The following TTC9 variants were observed in gnomAD, a reference collection of about 807,000 sequenced individuals.
TTC9 encodes the protein tetratricopeptide repeat protein 9A.
Under a neutral mutation model 22.9 loss-of-function variants are expected in TTC9, and 13 were observed. The observed-to-expected ratio is 0.57, with a 90% CI of 0.37 to 0.90. TTC9 has a LOEUF of 0.90. TTC9 is among the 40% of genes least tolerant of loss of function. The pLI, the probability that TTC9 is intolerant of heterozygous loss-of-function variation, is 0.01. For synonymous variants in TTC9, 148 were observed against 133.2 expected (o/e 1.11, Z -0.77); for missense variants, 280 against 291.8 (o/e 0.96, Z 0.29).
At chr14:70,664,008 T>C (rs989762858) in intron 1 of TTC9, among the ~76,000 whole-genome samples, 1 of 152,176 alleles carries the variant, frequency 6.6e-6, no homozygotes, top group African/African-American at 2.4e-5. Flanking sequence ...GGAACTCAGT[T>C]TCATCATCTA....
intron 1 of TTC9, among the ~76,000 whole-genome samples, chr14:70,645,916 C>A (rs903238693): frequency 6.6e-6 from 1 of 152,222 alleles, no homozygotes; most frequent in Non-Finnish European, 1.5e-5. Flanking sequence ...GGCATCGCTG[C>A]TCCAAACAAG....
intron 1 of TTC9, among the ~76,000 whole-genome samples, chr14:70,653,309 G>C (rs1886012401): frequency 6.6e-6 from 1 of 152,236 alleles, no homozygotes. Context: ...CGGGAAGCAA[G>C]TGAGCAAAAA....
rs992893233 is a variant in TTC9, at chr14:70,642,553, C to T, written c.406+18C>T. The T allele has an allele frequency of 3.2e-5, 49 of 1,527,528 alleles. No individual in the cohort carries two copies. The East Asian group carries it at 9.1e-4, about 28-fold the overall frequency. 94.6% of individuals were successfully genotyped at this position (1,527,528 alleles called of 1,614,324 possible). ...CCTGGCAGGTGAGCCGCGCCGCGCC[C>T]CCCGCGCCGCGGTCCCCGTTCTTCG... On this transcript the variant is annotated intron_variant, in intron 1 of 2. Coordinates refer to ENST00000256367, the MANE Select transcript of TTC9 (RefSeq NM_015351.2).
At position 70,642,393 on chromosome 14, in the gene TTC9, G is replaced by T; in HGVS notation, c.264G>T (p.Lys88Asn). The part of the protein sequence containing the change: ...GKYHRALLEL[K>N]GLLPPPGERE... ...ACCACCGGGCGTTGCTGGAGCTGAA[G>T]GGGCTGCTGCCGCCCCCCGGGGAAC... Residue 88 changes from lysine to asparagine, a missense_variant, in exon 1 of 3, where the codon AAG (lysine) becomes AAT (asparagine). By Grantham distance (94) the Lys-to-Asn change is moderately conservative (BLOSUM62 0). Coordinates refer to ENST00000256367, the MANE Select transcript of TTC9 (RefSeq NM_015351.2). The T allele has an allele frequency of 6.2e-7, 1 of 1,603,524 alleles. No homozygotes were observed.
intron 1 of TTC9, among the ~76,000 whole-genome samples, chr14:70,655,710 T>A (rs1460288714): frequency 6.6e-6 from 1 of 152,224 alleles, no homozygotes; most frequent in Non-Finnish European, 1.5e-5. Context: ...CTCGACTTCC[T>A]GTTGCTGCTA....
At chr14:70,661,846 G>A (rs1329018802) in intron 1 of TTC9, among the ~76,000 whole-genome samples, 1 of 152,132 alleles carries the variant, frequency 6.6e-6, no homozygotes, top group Admixed American at 6.5e-5. Context: ...CACCCTAACC[G>A]CCTAAGGCTG....
intron 1 of TTC9, among the ~76,000 whole-genome samples, chr14:70,664,590 G>T (rs1022560809): frequency 6.6e-6 from 1 of 152,174 alleles, no homozygotes; most frequent in African/African-American, 2.4e-5. Context: ...GCTAGGCATG[G>T]TGGCGGGCAT....
At chr14:70,650,176 C>T (rs2139640945) in intron 1 of TTC9, among the ~76,000 whole-genome samples, 1 of 152,280 alleles carries the variant, frequency 6.6e-6, no homozygotes, top group Non-Finnish European at 1.5e-5. Flanking sequence ...CGGTGCAGCA[C>T]TTTTGGAGTC....
chr14:70,657,186 A>C (rs1244921363), intron 1 of TTC9, among the ~76,000 whole-genome samples: 1 of 152,258 alleles, frequency 6.6e-6, no homozygotes, highest in Admixed American at 6.5e-5. Context: ...AAAAGAATAT[A>C]AACTCCTTGA....
chr14:70,642,167 A>T lies in TTC9; in HGVS notation c.38A>T (p.Asn13Ile). 2 of 1,192,600 alleles carry T rather than the reference A, an allele frequency of 1.7e-6. No homozygotes were observed. Among genetic ancestry groups the T allele is most frequent in the Middle Eastern group, 6.9e-4 (2 of 2,892 alleles). 73.9% of individuals were successfully genotyped at this position (1,192,600 alleles called of 1,614,324 possible). A position where few individuals can be genotyped will look rare whatever the true frequency, so the allele number is the denominator to read the frequency against. Residue 13 changes from asparagine (N) to isoleucine (I), a missense_variant, in exon 1 of 3, where the codon AAC becomes ATC. Asn to Ile is a moderately radical substitution (Grantham distance 149). Transcript: ENST00000256367. Reference protein sequence around the residue: ...RKGSAAGAKGNPSPPAAGEGQ... With the variant: ...RKGSAAGAKGIPSPPAAGEGQ... ...GGCTCGGCGGCCGGGGCCAAGGGGA[A>T]CCCGAGCCCGCCCGCGGCCGGAGAG...
chr14:70,658,952 C>T (rs1886103869), intron 1 of TTC9, among the ~76,000 whole-genome samples: 1 of 152,128 alleles, frequency 6.6e-6, no homozygotes, highest in African/African-American at 2.4e-5. Context: ...TAAAAAGCGC[C>T]TTCCAAAGGA....
intron 1 of TTC9, among the ~76,000 whole-genome samples, chr14:70,659,132 GCACACACACACA>G (rs71105721): frequency 2.1e-5 from 3 of 144,224 alleles, no homozygotes; most frequent in African/African-American, 7.8e-5. Flanking sequence ...ACACACACAC[GCACACACACACA>G]CACACACACA....
chr14:70,659,790 C>T (rs1886119636), intron 1 of TTC9, among the ~76,000 whole-genome samples: 1 of 151,932 alleles, frequency 6.6e-6, no homozygotes, highest in Admixed American at 6.5e-5. Context: ...GGTAAGCATC[C>T]TAGGAGGGCA....
At chr14:70,643,705 CG>C (rs111858540) in intron 1 of TTC9, among the ~76,000 whole-genome samples, 4,176 of 152,214 alleles carry the variant, frequency 0.027, 194 homozygotes, top group African/African-American at 0.095. Flanking sequence ...CAATTCTGCT[CG>C]GTTCTTAAAT....
intron 2 of TTC9, among the ~76,000 whole-genome samples, chr14:70,669,722 G>C (rs925571399): frequency 6.6e-6 from 1 of 151,536 alleles, no homozygotes; most frequent in Non-Finnish European, 1.5e-5. Context: ...TACATAAATC[G>C]TGTTCCACCA....
chr14:70,650,505 A>G (rs768076667), intron 1 of TTC9, among the ~76,000 whole-genome samples: 3 of 152,184 alleles, frequency 2.0e-5, no homozygotes, highest in African/African-American at 4.8e-5. Flanking sequence ...CTCTTCAGAC[A>G]TCTTCTTAAG....
chr14:70,671,367 C>T lies in TTC9; in HGVS notation c.*212C>T, dbSNP rs1382149818. 1 of 480,462 alleles carries T rather than the reference C, an allele frequency of 2.1e-6. No individual in the cohort carries two copies. The highest frequency in any genetic ancestry group is 3.8e-6 in the Non-Finnish European group (1 of 262,318). The allele number at this position is 480,462 out of a possible 1,614,324, so 29.8% of individuals were successfully genotyped here. A position where few individuals can be genotyped will look rare whatever the true frequency, so the allele number is the denominator to read the frequency against. Reference sequence around the variant, plus strand: ...TGGTAGGTCGCCCAGACAATGGAGACATCCTCTCCTCTAGCAGGTCAGCGA... The same window carrying T: ...TGGTAGGTCGCCCAGACAATGGAGATATCCTCTCCTCTAGCAGGTCAGCGA... On this transcript the variant is annotated 3_prime_UTR_variant, in exon 3 of 3. Coordinates refer to ENST00000256367, the MANE Select transcript of TTC9 (RefSeq NM_015351.2).
chr14:70,652,922 T>C lies in TTC9; in HGVS notation c.406+10387T>C, dbSNP rs146247746. ...GGAAGATAGAACACACAGGAAAAGATAGGAAGCAACCTAGACCTCAGAAAA... is the reference window on the plus strand; with the variant it reads ...GGAAGATAGAACACACAGGAAAAGACAGGAAGCAACCTAGACCTCAGAAAA... On this transcript the variant is annotated intron_variant, in intron 1 of 2. Transcript: ENST00000256367. Among the ~76,000 whole-genome samples the C allele has an allele frequency of 1.8e-4, 28 of 152,244 alleles. No individual in the cohort carries two copies. In the East Asian group the frequency reaches 4.8e-3, roughly 26 times the overall value.
rs952568174 is a variant in TTC9, at chr14:70,671,899, G to A, written c.*744G>A. The A allele has an allele frequency of 6.5e-6, 1 of 152,774 alleles. No individual in the cohort carries two copies. Among genetic ancestry groups the A allele is most frequent in the African/African-American group, 2.4e-5 (1 of 41,460 alleles). The allele number at this position is 152,774 out of a possible 1,614,324, so 9.5% of individuals were successfully genotyped here. ...AGAAGGGCAGGATGAAGTGGGCCAA[G>A]GTTTGGGACAGGTTGACTGTGTAGG... is the stretch of plus-strand genomic sequence containing the variant. On this transcript the variant is annotated 3_prime_UTR_variant, in exon 3 of 3. Transcript: ENST00000256367.
Sources: gnomAD v4.1 joint callset for allele counts (sites outside exome capture counted in the v4.1 genomes callset) on GRCh38, gnomAD v4.1.1 for gene constraint, MANE v1.5 for transcripts, NCBI Gene and HGNC (gene_info 2026-07-23, HGNC 2026-07-21) for gene names.